The following CHRNE variants were observed in gnomAD, a reference collection of about 807,000 sequenced individuals.
The protein encoded by CHRNE is acetylcholine receptor subunit epsilon.
In CHRNE, 58 loss-of-function variants were observed where a neutral mutation model predicts 56.5. The ratio of observed to expected loss-of-function variants is 1.03; its 90% CI spans 0.83 to 1.28. The LOEUF (loss-of-function observed/expected upper bound fraction) is 1.28. CHRNE is among the 50% of genes most tolerant of loss of function. CHRNE has a pLI of 0.00. For missense variants in CHRNE, 793 were observed against 688.9 expected (o/e 1.15, Z -1.69); for synonymous variants, 385 against 297.9 (o/e 1.29, Z -3.01).
Position 4,901,297 on chromosome 17 carries a change from TC to T in CHRNE, c.602-108del, listed in dbSNP as rs377339192. 1.7e-4 allele frequency: 224 copies of T among 1,288,632 alleles called. No individual in the cohort carries two copies. The African/African-American group carries it at 3.1e-3, about 18-fold the overall frequency. 79.8% of individuals were successfully genotyped at this position (1,288,632 alleles called of 1,614,324 possible). On this transcript the variant is annotated intron_variant, in intron 6 of 11. Transcript: ENST00000649488. ...CTGTCTGCACCAGGGTCATGGGCCG[TC>T]AGGATGGGGGCAATTACGGACAGAA... is the stretch of plus-strand genomic sequence containing the variant.
upstream of CHRNE, chr17:4,903,138 G>C: frequency 6.8e-7 from 1 of 1,468,704 alleles, no homozygotes; most frequent in South Asian, 1.2e-5. Flanking sequence ...CCTGTGTGAG[G>C]GGGAGGAGGG....
In CHRNE at chr17:4,899,515, AC is replaced by A. The variant is rs1185306560; in HGVS notation, c.984del (p.Ser329ProfsTer56). On this transcript the variant is annotated frameshift_variant, in exon 9 of 12. Coordinates refer to ENST00000649488, the MANE Select transcript of CHRNE (RefSeq NM_000080.4). LOFTEE classifies it high-confidence loss of function. ...IVMNCVIVLN[V>X]SQRTPTTHAM... is the part of the protein sequence containing the mutation. ...GCGTGGGTGGTGGGCGTCCGCTGGG[AC>A]ACGTTGAGCACGATGACGCAATTCA... 6.2e-7 allele frequency: 1 copy of A among 1,604,488 alleles called. No homozygotes were observed. Among genetic ancestry groups the A allele is most frequent in the East Asian group, 2.2e-5 (1 of 44,610 alleles).
chr17:4,902,388 G>T lies in CHRNE; in HGVS notation c.234+62C>A, dbSNP rs954283730. 3.1e-6 allele frequency: 5 copies of T among 1,613,452 alleles called. No individual in the cohort carries two copies. Among genetic ancestry groups the T allele is most frequent in the Non-Finnish European group, 4.2e-6 (5 of 1,179,486 alleles). On this transcript the variant is annotated intron_variant, in intron 3 of 11. Coordinates refer to ENST00000649488, the MANE Select transcript of CHRNE (RefSeq NM_000080.4). This position sits in a 1 kb window ranked among gnomAD's most constrained non-coding sequence, Gnocchi z 4.0. ...TCTCCCACCTGGCGCTGCCTGGGAG[G>T]GGTTTGGGGGAAAAGGGGTGCCCTG...
At chr17:4,899,759 G>A (rs752528236) in intron 8 of CHRNE, 177 bp from the exon 9 acceptor site, 19 of 1,550,974 alleles carry the variant, frequency 1.2e-5, no homozygotes, top group Admixed American at 2.0e-5. Context: ...CACTTGTGGC[G>A]GCCATGAAGG....
Position 4,900,859 on chromosome 17 carries a change from G to A in CHRNE, c.851C>T (p.Thr284Ile), listed in dbSNP as rs1040580878. 1 of 1,614,206 alleles carries A rather than the reference G, an allele frequency of 6.2e-7. No homozygotes were observed. The highest frequency in any genetic ancestry group is 8.5e-7 in the Non-Finnish European group (1 of 1,180,010). The change falls in exon 8 of 12, where the codon ACC (threonine) becomes ATC (isoleucine). Residue 284 changes from threonine (T) to isoleucine (I), a missense_variant. Coordinates refer to ENST00000649488, the MANE Select transcript of CHRNE (RefSeq NM_000080.4). ...TVSINVLLAQ[T>I]VFLFLIAQKI... is the part of the protein sequence containing the mutation. ...CTGGGCAATGAGGAACAAGAAGACG[G>A]TCTGGGCGAGCAGGACGTTGATGGA...
intron 8 of CHRNE, chr17:4,900,266 G>C (rs1003850421): frequency 6.5e-7 from 1 of 1,546,186 alleles, no homozygotes; most frequent in South Asian, 1.2e-5. Context: ...AGCAGGAGGC[G>C]CGGCGACTAG....
In CHRNE at chr17:4,902,417, A is replaced by G; in HGVS notation, c.234+33T>C. ...TTGGGGGAAAAGGGGTGCCCTGGACAAGACCTCACACCATTCCCCAGATTT... is the reference window on the plus strand; with the variant it reads ...TTGGGGGAAAAGGGGTGCCCTGGACGAGACCTCACACCATTCCCCAGATTT... On this transcript the variant is annotated intron_variant, in intron 3 of 11. Coordinates refer to ENST00000649488, the MANE Select transcript of CHRNE (RefSeq NM_000080.4). This position sits in a 1 kb window ranked among gnomAD's most constrained non-coding sequence, Gnocchi z 4.0. 6.2e-7 allele frequency: 1 copy of G among 1,614,128 alleles called. No individual in the cohort carries two copies. Among genetic ancestry groups the G allele is most frequent in the Non-Finnish European group, 8.5e-7 (1 of 1,179,982 alleles).
At chr17:4,900,264 G>T in intron 8 of CHRNE, 2 of 1,546,446 alleles carry the variant, frequency 1.3e-6, no homozygotes, top group Non-Finnish European at 1.7e-6. Flanking sequence ...GCAGCAGGAG[G>T]CGCGGCGACT....
Position 4,898,877 on chromosome 17 carries a change from C to T in CHRNE, c.1341G>A (p.Trp447Ter), listed in dbSNP as rs918839874. The T allele has an allele frequency of 1.2e-5, 19 of 1,582,382 alleles. No homozygotes were observed. The highest frequency in any genetic ancestry group is 1.6e-5 in the Non-Finnish European group (19 of 1,164,662). Residue 447 changes from tryptophan (W) to a stop codon, truncating the protein, a stop_gained, in exon 12 of 12, where the codon TGG becomes TGA. Transcript: ENST00000649488. LOFTEE classifies it high-confidence loss of function. ...TGTCAAGGGCATTCCCCATGCGCAC[C>T]CAGTCGGACACTTCCTGGGGAAGGG... ...QEATGEEVSD[W>*]VRMGNALDNI...
rs1597612174 is a variant in CHRNE, at chr17:4,898,680, C to G, written c.*56G>C. On this transcript the variant is annotated 3_prime_UTR_variant, in exon 12 of 12. Coordinates refer to ENST00000649488, the MANE Select transcript of CHRNE (RefSeq NM_000080.4). Reference sequence around the variant, plus strand: ...ATAATGCCGTGGTGGCGGCAGCCTACTTTTTCAAAATCAATTTCCTACTGG... The same window carrying G: ...ATAATGCCGTGGTGGCGGCAGCCTAGTTTTTCAAAATCAATTTCCTACTGG... 15 of 1,576,490 alleles carry G rather than the reference C, an allele frequency of 9.5e-6. No homozygotes were observed. The East Asian group carries it at 2.7e-4, about 29-fold the overall frequency.
In CHRNE at chr17:4,899,576, A is replaced by C; in HGVS notation, c.924T>G (p.Leu308=). Residue 308 remains leucine (L), a synonymous_variant, in exon 9 of 12, where the codon CTT becomes CTG. Coordinates refer to ENST00000649488, the MANE Select transcript of CHRNE (RefSeq NM_000080.4). ...GCGTGGCGACCACCATGACGAAAAT[A>C]AGGAACCTGAGGAGCCCGGAAGGCA... The part of the protein sequence containing the change: ...SLSVPLLGRF[L]IFVMVVATLI... 2 of 1,583,266 alleles carry C rather than the reference A, an allele frequency of 1.3e-6. No individual in the cohort carries two copies. Among genetic ancestry groups the C allele is most frequent in the South Asian group, 2.3e-5 (2 of 86,304 alleles).
At chr17:4,907,641 G>A (rs564129293), upstream of CHRNE, among the ~76,000 whole-genome samples, 6 of 150,986 alleles carry the variant, frequency 4.0e-5, no homozygotes, top group Admixed American at 4.0e-4. Context: ...TTTCACTCAG[G>A]TCTGATTTCC....
chr17:4,899,984 G>T (rs1039173948), intron 8 of CHRNE: 7 of 1,551,484 alleles, frequency 4.5e-6, no homozygotes, highest in Non-Finnish European at 6.1e-6. Flanking sequence ...CTCCGTGGCC[G>T]CAGCCCATGA....
At chr17:4,901,392 A>G (rs1028884662) in intron 6 of CHRNE, 133 bp downstream of exon 6, 10 of 977,694 alleles carry the variant, frequency 1.0e-5, no homozygotes, top group Non-Finnish European at 1.6e-5. Context: ...GAATGATTTC[A>G]GGACAGGGGT....
chr17:4,903,989 C>T (rs955331685), upstream of CHRNE, among the ~76,000 whole-genome samples: 32 of 152,194 alleles, frequency 2.1e-4, no homozygotes, highest in Non-Finnish European at 1.6e-4. Context: ...TCTGGAGTAG[C>T]TGGGACTACA....
chr17:4,902,575 C>G lies in CHRNE; in HGVS notation c.189+46G>C. Reference sequence around the variant, plus strand: ...TTAGGACAGAGCTCAGCGGTTGGGGCCAGAAGTGGGATTTTTGGCTTAAGA... The same window carrying G: ...TTAGGACAGAGCTCAGCGGTTGGGGGCAGAAGTGGGATTTTTGGCTTAAGA... On this transcript the variant is annotated intron_variant, in intron 2 of 11. Coordinates refer to ENST00000649488, the MANE Select transcript of CHRNE (RefSeq NM_000080.4). This position sits in a 1 kb window ranked among gnomAD's most constrained non-coding sequence, Gnocchi z 4.0. 1 of 1,614,030 alleles carries G rather than the reference C, an allele frequency of 6.2e-7. No individual in the cohort carries two copies.
chr17:4,901,097 T>A lies in CHRNE; in HGVS notation c.695A>T (p.Tyr232Phe), dbSNP rs760118625. 2 of 1,613,228 alleles carry A rather than the reference T, an allele frequency of 1.2e-6. No individual in the cohort carries two copies. The highest frequency in any genetic ancestry group is 1.7e-6 in the Non-Finnish European group (2 of 1,179,844). Residue 232 changes from tyrosine (Y) to phenylalanine (F), a missense_variant, in exon 7 of 12, where the codon TAC becomes TTC. Coordinates refer to ENST00000649488, the MANE Select transcript of CHRNE (RefSeq NM_000080.4). The stretch of plus-strand genomic sequence containing the variant: ...CGGCTTCCGGCGGATGATGAGCGAG[T>A]AGATGACGTCAGTCTCCCCTGGGCC... ...TDGPGETDVIYSLIIRRKPLF... is the reference protein window; with the variant it reads ...TDGPGETDVIFSLIIRRKPLF...
chr17:4,898,862 A>G lies in CHRNE; in HGVS notation c.1356T>C (p.Asn452=). The change falls in exon 12 of 12, where the codon AAT becomes AAC. Residue 452 remains asparagine, a synonymous_variant. Transcript: ENST00000649488. ...EEVSDWVRMG[N]ALDNICFWAA... is the part of the protein sequence containing the mutation. ...CCCAGAAGCAGATGTTGTCAAGGGCATTCCCCATGCGCACCCAGTCGGACA... is the reference window on the plus strand; with the variant it reads ...CCCAGAAGCAGATGTTGTCAAGGGCGTTCCCCATGCGCACCCAGTCGGACA... The G allele has an allele frequency of 6.3e-7, 1 of 1,588,694 alleles. No homozygotes were observed. Among genetic ancestry groups the G allele is most frequent in the Middle Eastern group, 1.7e-4 (1 of 6,032 alleles).
upstream of CHRNE, among the ~76,000 whole-genome samples, chr17:4,903,397 A>T (rs1337427960): frequency 6.6e-6 from 1 of 152,144 alleles, no homozygotes; most frequent in African/African-American, 2.4e-5. Context: ...TTCAGCAGGC[A>T]CTGTTGTCCT....
Sources: gnomAD v4.1 joint callset for allele counts (sites outside exome capture counted in the v4.1 genomes callset) on GRCh38, gnomAD v4.1.1 for gene constraint, Gnocchi (gnomAD v3.1) non-coding constraint, MANE v1.5 for transcripts, NCBI Gene and HGNC (gene_info 2026-07-23, HGNC 2026-07-21) for gene names.